PCDHA2: variants seen among roughly 807,000 people sequenced by gnomAD.
The protein encoded by PCDHA2 is protocadherin alpha 2, also known as protocadherin alpha-2.
PCDHA2 carries 58 observed loss-of-function variants against 66.0 expected under a neutral mutation model. That is an observed-to-expected ratio of 0.88 (90% CI 0.71 to 1.09). The LOEUF (loss-of-function observed/expected upper bound fraction) is 1.09, where lower values mean the gene tolerates loss of function less well. PCDHA2 is among the 50% of genes least tolerant of loss of function. PCDHA2 has a pLI of 0.00. For synonymous variants in PCDHA2, 634 were observed against 554.0 expected (o/e 1.14, Z -2.03); for missense variants, 1,267 against 1,242.3 (o/e 1.02, Z -0.30).
At chr5:140,852,355 G>A in intron 1 of PCDHA2, 1 of 208,524 alleles carries the variant, frequency 4.8e-6, no homozygotes, top group Non-Finnish European at 9.3e-6. Context: ...TTGGCTCACT[G>A]CAACGTCTGC....
intron 3 of PCDHA2, among the ~76,000 whole-genome samples, chr5:140,983,886 T>C (rs1280409622): frequency 1.3e-5 from 2 of 152,206 alleles, no homozygotes; most frequent in Non-Finnish European, 2.9e-5. Flanking sequence ...CTGGCAACTT[T>C]AAGGGCATTC....
chr5:140,853,604 G>C lies in PCDHA2; in HGVS notation c.2388+56252G>C, dbSNP rs557129583. On this transcript the variant is annotated intron_variant, in intron 1 of 3. Transcript: ENST00000526136. ...ATCTTAGACACTTTGAGAGCAAAGG[G>C]GGTGCTGTAAATAAGTATACAAGAT... The C allele has an allele frequency of 2.2e-5, 22 of 987,378 alleles. 2 individuals are homozygous for C. In the African/African-American group the frequency reaches 2.3e-4, roughly 10 times the overall value. 61.2% of individuals were successfully genotyped at this position (987,378 alleles called of 1,614,324 possible). A position where few individuals can be genotyped will look rare whatever the true frequency, so the allele number is the denominator to read the frequency against.
intron 1 of PCDHA2, chr5:140,810,575 G>A (rs1292598382): frequency 6.6e-6 from 1 of 152,176 alleles, no homozygotes; most frequent in Non-Finnish European, 1.5e-5. Flanking sequence ...AAATGAAGTT[G>A]AGTACCTTTC....
At chr5:140,938,209 G>C (rs1210350140) in intron 1 of PCDHA2, among the ~76,000 whole-genome samples, 1 of 152,160 alleles carries the variant, frequency 6.6e-6, no homozygotes, top group Admixed American at 6.5e-5. Flanking sequence ...GCCTCCCAAA[G>C]TGCTGGGATT....
intron 1 of PCDHA2, chr5:140,850,880 A>T (rs2150501340): frequency 6.3e-7 from 1 of 1,586,802 alleles, no homozygotes; most frequent in African/African-American, 1.4e-5. Flanking sequence ...CCTCAGATTC[A>T]ACTGGGAAGG....
rs192109857 is a variant in PCDHA2 at position 140,852,433 on chromosome 5, G to A, written c.2388+55081G>A. 4.2e-4 allele frequency: 75 copies of A among 180,184 alleles called. 1 individual carries two copies. The East Asian group carries it at 0.014, about 33-fold the overall frequency. The allele number at this position is 180,184 out of a possible 1,614,324, so 11.2% of individuals were successfully genotyped here. A position where few individuals can be genotyped will look rare whatever the true frequency, so the allele number is the denominator to read the frequency against. The stretch of plus-strand genomic sequence containing the variant: ...GCTGGGATTATAGGCACATGCCACC[G>A]CGCCCAGCTAATTTTTGTATTTTTA... On this transcript the variant is annotated intron_variant, in intron 1 of 3. Transcript: ENST00000526136.
At chr5:140,967,051 G>C in intron 1 of PCDHA2, 2 of 1,612,562 alleles carry the variant, frequency 1.2e-6, no homozygotes, top group Non-Finnish European at 1.7e-6. Context: ...TGGACCTGAC[G>C]AGTGGAGCGC....
intron 1 of PCDHA2, among the ~76,000 whole-genome samples, chr5:140,826,478 G>A (rs1218152841): frequency 6.6e-6 from 1 of 152,136 alleles, no homozygotes; most frequent in Non-Finnish European, 1.5e-5. Flanking sequence ...GCATTTTACT[G>A]TATATCAGAA....
rs1246867400 is a variant in PCDHA2, at chr5:140,885,558, AATTG to A, written c.2388+88211_2388+88214del. Among the ~76,000 whole-genome samples, 8 of 152,258 alleles carry A rather than the reference AATTG, an allele frequency of 5.3e-5. No individual in the cohort carries two copies. The South Asian group carries it at 1.0e-3, about 20-fold the overall frequency. On this transcript the variant is annotated intron_variant, in intron 1 of 3. Coordinates refer to ENST00000526136, the MANE Select transcript of PCDHA2 (RefSeq NM_018905.3). Reference sequence around the variant, plus strand: ...CAAAATATTGGTGTTATTTCTACGAAATTGATTGTCAGATGTGGAATTGATGCAT... The same window carrying A: ...CAAAATATTGGTGTTATTTCTACGAAATTGTCAGATGTGGAATTGATGCAT...
chr5:140,876,657 C>T (rs782518264), intron 1 of PCDHA2: 3 of 1,614,228 alleles, frequency 1.9e-6, no homozygotes, highest in East Asian at 4.5e-5. Flanking sequence ...ATGTTCCCTT[C>T]AAGCTGGTGT....
intron 1 of PCDHA2, chr5:140,857,672 C>T: frequency 2.5e-6 from 4 of 1,596,908 alleles, no homozygotes; most frequent in Middle Eastern, 3.8e-4. Context: ...TGGGGGCGTG[C>T]CGCCTCTGGG....
At chr5:140,926,785 G>A in intron 1 of PCDHA2, 1 of 1,417,966 alleles carries the variant, frequency 7.1e-7, no homozygotes. Context: ...GTGACGGCCG[G>A]CAGGAGCGTG....
chr5:140,850,541 G>T lies in PCDHA2; in HGVS notation c.2388+53189G>T. 3 of 1,598,386 alleles carry T rather than the reference G, an allele frequency of 1.9e-6. No individual in the cohort carries two copies. Among genetic ancestry groups the T allele is most frequent in the Non-Finnish European group, 2.6e-6 (3 of 1,167,870 alleles). ...AGGCGCCAAAGTCATCGTCGCGGGC[G>T]TCAGTGGGTGCCACGGGCCCCGAGG... On this transcript the variant is annotated intron_variant, in intron 1 of 3. Transcript: ENST00000526136.
At chr5:140,869,765 A>G in intron 1 of PCDHA2, 1 of 1,613,282 alleles carries the variant, frequency 6.2e-7, no homozygotes, top group Non-Finnish European at 8.5e-7. Context: ...GGAAAACCAG[A>G]GCTTACTGGC....
In PCDHA2 at chr5:141,003,361, G is replaced by A. The variant is rs2098120892; in HGVS notation, c.2537-6266G>A. Among the ~76,000 whole-genome samples the A allele has an allele frequency of 5.9e-5, 9 of 152,298 alleles. No individual in the cohort carries two copies. The South Asian group carries it at 1.9e-3, about 32-fold the overall frequency. On this transcript the variant is annotated intron_variant, in intron 3 of 3. Coordinates refer to ENST00000526136, the MANE Select transcript of PCDHA2 (RefSeq NM_018905.3). ...TTTGTTTGCTCTGTCACCCAGGCTG[G>A]AGTGCAGTGGTGCAATCTCAGCTCA...
chr5:140,906,238 C>T (rs1309828775), intron 1 of PCDHA2, among the ~76,000 whole-genome samples: 2 of 152,186 alleles, frequency 1.3e-5, no homozygotes, highest in Non-Finnish European at 2.9e-5. Flanking sequence ...CCCTTGTCAA[C>T]TTGAACCCAT....
chr5:140,926,819 C>T, intron 1 of PCDHA2: 1 of 1,493,950 alleles, frequency 6.7e-7, no homozygotes. Context: ...CTCGTGCTCT[C>T]CAGGAGTCCG....
intron 1 of PCDHA2, chr5:140,842,909 C>G: frequency 6.3e-7 from 1 of 1,594,530 alleles, no homozygotes; most frequent in Non-Finnish European, 8.6e-7. Context: ...GGAGCTAGAG[C>G]TGCTGCAGTT....
chr5:140,897,769 C>T (rs1441051679), intron 1 of PCDHA2, among the ~76,000 whole-genome samples: 2 of 152,198 alleles, frequency 1.3e-5, no homozygotes, highest in Non-Finnish European at 2.9e-5. Flanking sequence ...GCCACACTGA[C>T]TTCCACAATG....
Sources: gnomAD v4.1 joint callset for allele counts (sites outside exome capture counted in the v4.1 genomes callset) on GRCh38, gnomAD v4.1.1 for gene constraint, MANE v1.5 for transcripts, NCBI Gene and HGNC (gene_info 2026-07-23, HGNC 2026-07-21) for gene names.